Variants in TRUB2 observed in about 807,000 individuals in gnomAD.
The protein encoded by TRUB2 is pseudouridylate synthase TRUB2, mitochondrial.
In TRUB2, 31 loss-of-function variants were observed where a neutral mutation model predicts 31.9. That is an observed-to-expected ratio of 0.97 (90% CI 0.73 to 1.31). The LOEUF (loss-of-function observed/expected upper bound fraction) is 1.31. Ranked by LOEUF, TRUB2 falls within the 50% of genes most tolerant of loss-of-function variation. The pLI, the probability that TRUB2 is intolerant of heterozygous loss-of-function variation, is 0.00. For synonymous variants in TRUB2, 201 were observed against 182.6 expected, an observed-to-expected ratio of 1.10 and a Z score of -0.81; for missense variants, 451 against 439.6, an observed-to-expected ratio of 1.03 and a Z score of -0.23.
At chr9:128,319,820 C>T (rs139954062) in intron 2 of TRUB2, among the ~76,000 whole-genome samples, 1 of 151,882 alleles carries the variant, frequency 6.6e-6, no homozygotes, top group South Asian at 2.1e-4. Context: ...TTACTAGAGA[C>T]GGGGCTTTGC....
rs1831911188 is a variant in TRUB2, at chr9:128,308,797, G to T, written c.*753C>A. On this transcript the variant is annotated 3_prime_UTR_variant, in exon 8 of 8. Transcript: ENST00000372890. Reference sequence around the variant, plus strand: ...GTGGTGGCGGGCGCCTGTGACCCCAGCTACTTGGGAGGCTGAGGCAGGAGA... The same window carrying T: ...GTGGTGGCGGGCGCCTGTGACCCCATCTACTTGGGAGGCTGAGGCAGGAGA... 1 of 151,960 alleles carries T rather than the reference G, an allele frequency of 6.6e-6. No homozygotes were observed. The highest frequency in any genetic ancestry group is 6.6e-5 in the Admixed American group (1 of 15,234). 9.4% of individuals were successfully genotyped at this position (151,960 alleles called of 1,614,324 possible).
At chr9:128,317,451 A>G (rs1372844499) in intron 2 of TRUB2, among the ~76,000 whole-genome samples, 1 of 152,126 alleles carries the variant, frequency 6.6e-6, no homozygotes, top group Non-Finnish European at 1.5e-5. Flanking sequence ...GCCTATCATC[A>G]GTCTCCCAGT....
chr9:128,313,216 C>CA lies in TRUB2; in HGVS notation c.460+591dup, dbSNP rs1201864514. ...TGGGCGACAGAGCGAGACATCGTTT[C>CA]AAAAAAAAAAAAAGAAAAGAAAAGG... is the stretch of plus-strand genomic sequence containing the variant. On this transcript the variant is annotated intron_variant, in intron 5 of 7. Coordinates refer to ENST00000372890, the MANE Select transcript of TRUB2 (RefSeq NM_015679.3). Among the ~76,000 whole-genome samples, 1,057 of 116,024 alleles carry CA rather than the reference C, an allele frequency of 9.1e-3. 10 individuals are homozygous for CA. Among genetic ancestry groups the CA allele is most frequent in the African/African-American group, 0.028 (893 of 31,430 alleles). The allele number at this position is 116,024 out of a possible 152,430, so 76.1% of individuals were successfully genotyped here.
rs1423923500 is a variant in TRUB2 at position 128,307,803 on chromosome 9, T to G, written c.*1747A>C. ...CTGCAGTCCCAGCTATTCTGGAAGC[T>G]GAGGTGGGAAGATGGTTAAGCCTGA... On this transcript the variant is annotated 3_prime_UTR_variant, in exon 8 of 8. Coordinates refer to ENST00000372890, the MANE Select transcript of TRUB2 (RefSeq NM_015679.3). 6.6e-6 allele frequency: 1 copy of G among 152,028 alleles called. No homozygotes were observed. Among genetic ancestry groups the G allele is most frequent in the East Asian group, 1.9e-4 (1 of 5,138 alleles). The allele number at this position is 152,028 out of a possible 1,614,324, so 9.4% of individuals were successfully genotyped here. A position where few individuals can be genotyped will look rare whatever the true frequency, so the allele number is the denominator to read the frequency against.
chr9:128,321,871 T>C (rs1242953077), intron 1 of TRUB2, 141 bp from the exon 2 acceptor site: 17 of 977,686 alleles, frequency 1.7e-5, no homozygotes, highest in Non-Finnish European at 2.5e-5. Context: ...CGTCAAACTC[T>C]TGGGCTCAAG....
Position 128,315,551 on chromosome 9 carries a change from C to T in TRUB2, c.378+16G>A, listed in dbSNP as rs191030207. On this transcript the variant is annotated intron_variant, in intron 4 of 7. Transcript: ENST00000372890. ...AAGGACCAAGGGAGAAGCAGGCTGT[C>T]CCCAGACCCTCGTACCTTGGTAAGA... The T allele has an allele frequency of 1.4e-3, 2,270 of 1,612,004 alleles. 5 individuals are homozygous for T. The highest frequency in any genetic ancestry group is 2.5e-3 in the Admixed American group (152 of 59,794).
rs111806731 is a variant in TRUB2 at position 128,309,153 on chromosome 9, ATT to A, written c.*395_*396del. 2.7e-4 allele frequency: 44 copies of A among 163,388 alleles called. No individual in the cohort carries two copies. Among genetic ancestry groups the A allele is most frequent in the East Asian group, 4.8e-4 (3 of 6,222 alleles). The allele number at this position is 163,388 out of a possible 1,614,324, so 10.1% of individuals were successfully genotyped here. The stretch of plus-strand genomic sequence containing the variant: ...TTCGTGGGCACATAGTTTATTGAGA[ATT>A]TTTTTTTTTTTGAGATGGCAGGGGT... On this transcript the variant is annotated 3_prime_UTR_variant, in exon 8 of 8. Coordinates refer to ENST00000372890, the MANE Select transcript of TRUB2 (RefSeq NM_015679.3).
chr9:128,322,268 G>T, intron 1 of TRUB2, 32 bp downstream of exon 1: 1 of 1,570,018 alleles, frequency 6.4e-7, no homozygotes, highest in Non-Finnish European at 8.8e-7. Context: ...GAGAACGAGA[G>T]CGGGAACGTG....
intron 4 of TRUB2, 35 bp from the exon 5 acceptor site, chr9:128,313,924 C>T: frequency 1.2e-6 from 2 of 1,602,466 alleles, no homozygotes; most frequent in East Asian, 4.5e-5. Flanking sequence ...CCGTCAGTGA[C>T]CCCATTCTAA....
chr9:128,310,822 G>A (rs776011820), intron 7 of TRUB2, 65 bp downstream of exon 7: 252 of 1,600,218 alleles, frequency 1.6e-4, no homozygotes, highest in East Asian at 5.4e-4. Flanking sequence ...CTGCAAGAGC[G>A]TTCCTGAGTG....
rs1259664039 is a variant in TRUB2, at chr9:128,311,002, C to T, written c.555G>A (p.Lys185=). Residue 185 remains lysine, a synonymous_variant, in exon 7 of 8, where the codon AAG becomes AAA. Transcript: ENST00000372890. ...CGGCCATCTCATAGGCCTCCTGGGT[C>T]TTCAGGTCGAGGTTGGAGTACCTGC... ...ALVMYSNLDL[K]TQEAYEMAVR... 1 of 1,614,138 alleles carries T rather than the reference C, an allele frequency of 6.2e-7. No individual in the cohort carries two copies. The highest frequency in any genetic ancestry group is 1.7e-5 in the Admixed American group (1 of 60,026).
Position 128,305,166 on chromosome 9 carries a change from T to G in TRUB2, c.*4384A>C, listed in dbSNP as rs1015298204. 1.3e-5 allele frequency: 2 copies of G among 152,208 alleles called. No individual in the cohort carries two copies. The highest frequency in any genetic ancestry group is 4.8e-5 in the African/African-American group (2 of 41,436). The allele number at this position is 152,208 out of a possible 1,614,324, so 9.4% of individuals were successfully genotyped here. Reference sequence around the variant, plus strand: ...AGACAATGAGCAAGTGAGTGTCGTTTTAATCCCCATTTTATAGATAGGTGA... The same window carrying G: ...AGACAATGAGCAAGTGAGTGTCGTTGTAATCCCCATTTTATAGATAGGTGA... On this transcript the variant is annotated 3_prime_UTR_variant, in exon 8 of 8. Transcript: ENST00000372890.
intron 1 of TRUB2, 75 bp downstream of exon 1, chr9:128,322,225 G>C: frequency 7.7e-7 from 1 of 1,295,026 alleles, no homozygotes; most frequent in Non-Finnish European, 1.1e-6. Context: ...TTTTGTTTTG[G>C]GGTAAGGACC....
intron 5 of TRUB2, 68 bp downstream of exon 5, chr9:128,313,739 TA>T: frequency 1.4e-6 from 2 of 1,442,034 alleles, no homozygotes; most frequent in South Asian, 2.3e-5. Flanking sequence ...CAGCGTGGCC[TA>T]GGGCGGGGAG....
At chr9:128,319,174 A>C (rs1006704294) in intron 2 of TRUB2, among the ~76,000 whole-genome samples, 4 of 152,010 alleles carry the variant, frequency 2.6e-5, no homozygotes, top group Non-Finnish European at 4.4e-5. Flanking sequence ...AAAATACAAA[A>C]AATTAGCTGG....
At position 128,309,487 on chromosome 9, in the gene TRUB2, C is replaced by G; in HGVS notation, c.*63G>C. 1 of 1,494,994 alleles carries G rather than the reference C, an allele frequency of 6.7e-7. No homozygotes were observed. The highest frequency in any genetic ancestry group is 2.0e-5 in the Admixed American group (1 of 50,918). The allele number at this position is 1,494,994 out of a possible 1,614,324, so 92.6% of individuals were successfully genotyped here. On this transcript the variant is annotated 3_prime_UTR_variant, in exon 8 of 8. Transcript: ENST00000372890. ...CTGCTCTCACTTTCTGCACAGCTAT[C>G]AGGTCCAGCTCATAGCAGTTCTTCT...
chr9:128,309,582 T>C lies in TRUB2; in HGVS notation c.964A>G (p.Thr322Ala), dbSNP rs764898765. ...WSWDSQGPSS[T>A]LGLERGAGQ is the part of the protein sequence containing the mutation. ...CCCGCACCCCTCTCCAGCCCCAAGG[T>C]AGAGCTCGGGCCCTGGGAGTCCCAG... The change falls in exon 8 of 8, where the codon ACC (threonine) becomes GCC (alanine). Residue 322 changes from threonine (T) to alanine (A), a missense_variant. Thr to Ala is a moderately conservative substitution (Grantham distance 58). Coordinates refer to ENST00000372890, the MANE Select transcript of TRUB2 (RefSeq NM_015679.3). 1.9e-6 allele frequency: 3 copies of C among 1,612,988 alleles called. No homozygotes were observed. The Admixed American group carries it at 5.0e-5, about 27-fold the overall frequency.
chr9:128,313,876 C>CG lies in TRUB2; in HGVS notation c.391dup (p.Arg131ProfsTer10). ...ATCTGTAGCTTTGCCCAGGAGGCCA[C>CG]GCACTGTGTAATCCTTCAAGGACAG... On this transcript the variant is annotated frameshift_variant, in exon 5 of 8. Transcript: ENST00000372890. LOFTEE classifies it high-confidence loss of function. 1 of 1,614,124 alleles carries CG rather than the reference C, an allele frequency of 6.2e-7. No homozygotes were observed.
chr9:128,315,894 C>T (rs1832060395), intron 3 of TRUB2: 1 of 499,042 alleles, frequency 2.0e-6, no homozygotes, highest in South Asian at 2.2e-5. Flanking sequence ...AGGATTCTGA[C>T]ACCTGAGAGG....
Sources: allele counts gnomAD v4.1 joint callset (sites outside exome capture counted in the v4.1 genomes callset), GRCh38; gene constraint gnomAD v4.1.1; transcripts MANE v1.5; gene names NCBI Gene and HGNC (gene_info 2026-07-23, HGNC 2026-07-21).